BCAS3: variants seen among roughly 807,000 people sequenced by gnomAD.
BCAS3 encodes the protein BCAS4/BCAS3 fusion.
Under a neutral mutation model 116.1 loss-of-function variants are expected in BCAS3, and 53 were observed. The ratio of observed to expected loss-of-function variants is 0.46; its 90% CI spans 0.37 to 0.57. BCAS3 has a LOEUF of 0.57. BCAS3 is among the 20% of genes least tolerant of loss of function. The probability of loss-of-function intolerance (pLI) is 0.00; values close to 1 mark genes in which losing one functional copy is unlikely to be tolerated. For missense variants in BCAS3, 917 were observed against 1,165.4 expected (o/e 0.79, Z 3.10); for synonymous variants, 391 against 408.2 (o/e 0.96, Z 0.51).
At position 61,366,885 on chromosome 17, in the gene BCAS3, C is replaced by G. The variant is rs1268380142; in HGVS notation, c.2426-1442C>G. Reference sequence around the variant, plus strand: ...ACACATATAAATCGCAGCAGGCTGGCCAAGGGCCTTTGTCTGGCCAGGAGA... The same window carrying G: ...ACACATATAAATCGCAGCAGGCTGGGCAAGGGCCTTTGTCTGGCCAGGAGA... On this transcript the variant is annotated intron_variant, in intron 22 of 23. Transcript: ENST00000407086. This position sits in a 1 kb window ranked among gnomAD's most constrained non-coding sequence, Gnocchi z 4.5. 6.6e-6 allele frequency among the ~76,000 whole-genome samples: 1 copy of G among 152,202 alleles called. No individual in the cohort carries two copies. Among genetic ancestry groups the G allele is most frequent in the Non-Finnish European group, 1.5e-5 (1 of 68,032 alleles).
intron 5 of BCAS3, among the ~76,000 whole-genome samples, chr17:60,736,194 G>A (rs2040938403): frequency 6.6e-6 from 1 of 151,684 alleles, no homozygotes; most frequent in South Asian, 2.1e-4. Context: ...GTGAGCCACT[G>A]TGCCCAGCCT....
intron 16 of BCAS3, among the ~76,000 whole-genome samples, chr17:61,024,058 G>A (rs60555105): frequency 0.1 from 15,447 of 152,020 alleles, 2,370 homozygotes; most frequent in African/African-American, 0.34. Context: ...ACTTTAATAC[G>A]AAACTATAGC....
intron 15 of BCAS3, among the ~76,000 whole-genome samples, chr17:60,992,546 G>T (rs1370536734): frequency 6.6e-6 from 1 of 152,068 alleles, no homozygotes; most frequent in Non-Finnish European, 1.5e-5. Flanking sequence ...AGTGGGAGGG[G>T]GTGAGGGTTG....
intron 22 of BCAS3, among the ~76,000 whole-genome samples, chr17:61,270,652 C>T (rs1219406486): frequency 6.6e-6 from 1 of 152,162 alleles, no homozygotes; most frequent in Non-Finnish European, 1.5e-5. Context: ...TCATATGTTA[C>T]AAATCATTGC....
chr17:61,137,161 T>G (rs2076687066), intron 22 of BCAS3, among the ~76,000 whole-genome samples: 2 of 152,224 alleles, frequency 1.3e-5, no homozygotes, highest in South Asian at 4.1e-4. Context: ...TATTTAATGC[T>G]GACTTCAAAC....
intron 16 of BCAS3, among the ~76,000 whole-genome samples, chr17:61,018,290 G>GTTTTTTTTTT (rs10570881): frequency 1.2e-5 from 1 of 83,066 alleles, no homozygotes; most frequent in Non-Finnish European, 2.3e-5. Flanking sequence ...AAATTCCCCA[G>GTTTTTTTTTT]TTTTTTTTTT....
In BCAS3 at chr17:60,995,009, G is replaced by A. The variant is rs1291248996; in HGVS notation, c.1486+4774G>A. ...TTTTATTTTTTTGAGACGGGGTCTC[G>A]CTCTGTCACCCAGGCTGGAGTGCAG... On this transcript the variant is annotated intron_variant, in intron 15 of 23. Coordinates refer to ENST00000407086, the MANE Select transcript of BCAS3 (RefSeq NM_017679.5). The surrounding 1 kb of genome is among the most constrained non-coding windows in gnomAD (Gnocchi z 4.7). Among the ~76,000 whole-genome samples the A allele has an allele frequency of 6.6e-6, 1 of 151,988 alleles. No homozygotes were observed. The highest frequency in any genetic ancestry group is 1.5e-5 in the Non-Finnish European group (1 of 68,000).
rs2079982627 is a variant in BCAS3 at position 61,189,630 on chromosome 17, G to A, written c.2425+105066G>A. Among the ~76,000 whole-genome samples the A allele has an allele frequency of 6.6e-6, 1 of 152,060 alleles. No homozygotes were observed. Among genetic ancestry groups the A allele is most frequent in the Admixed American group, 6.6e-5 (1 of 15,264 alleles). ...GGAATCGAAAGGAGAAGAATGGAGAGGAATAGAAAGTTGAAAAATAGCTAC... is the reference window on the plus strand; with the variant it reads ...GGAATCGAAAGGAGAAGAATGGAGAAGAATAGAAAGTTGAAAAATAGCTAC... On this transcript the variant is annotated intron_variant, in intron 22 of 23. Transcript: ENST00000407086. This position sits in a 1 kb window ranked among gnomAD's most constrained non-coding sequence, Gnocchi z 4.5.
At position 61,349,310 on chromosome 17, in the gene BCAS3, C is replaced by A. The variant is rs2057692450; in HGVS notation, c.2426-19017C>A. On this transcript the variant is annotated intron_variant, in intron 22 of 23. Coordinates refer to ENST00000407086, the MANE Select transcript of BCAS3 (RefSeq NM_017679.5). This position sits in a 1 kb window ranked among gnomAD's most constrained non-coding sequence, Gnocchi z 4.7. The stretch of plus-strand genomic sequence containing the variant: ...CTCTCCCACCCTACACCCTAATACC[C>A]TCCAACCTAAAGTTCTTGAGAATCC... Among the ~76,000 whole-genome samples, 1 of 152,156 alleles carries A rather than the reference C, an allele frequency of 6.6e-6. No homozygotes were observed. The highest frequency in any genetic ancestry group is 1.5e-5 in the Non-Finnish European group (1 of 68,014).
chr17:60,752,971 A>C (rs1473075313), intron 6 of BCAS3, among the ~76,000 whole-genome samples: 1 of 152,086 alleles, frequency 6.6e-6, no homozygotes, highest in Non-Finnish European at 1.5e-5. Context: ...CAGCCTCCTG[A>C]ATACCTAGGA....
rs1271155219 is a variant in BCAS3 at position 61,126,015 on chromosome 17, A to G, written c.2425+41451A>G. Among the ~76,000 whole-genome samples, 1 of 152,194 alleles carries G rather than the reference A, an allele frequency of 6.6e-6. No homozygotes were observed. Among genetic ancestry groups the G allele is most frequent in the Non-Finnish European group, 1.5e-5 (1 of 68,008 alleles). On this transcript the variant is annotated intron_variant, in intron 22 of 23. Coordinates refer to ENST00000407086, the MANE Select transcript of BCAS3 (RefSeq NM_017679.5). This position sits in a 1 kb window ranked among gnomAD's most constrained non-coding sequence, Gnocchi z 4.6. ...CTTCTAGCTATGGAGTTGAGATTCT[A>G]CTTGAATTGTGTTATTGGGAATTCT...
chr17:61,236,828 G>A (rs2083100795), intron 22 of BCAS3, among the ~76,000 whole-genome samples: 1 of 152,030 alleles, frequency 6.6e-6, no homozygotes, highest in African/African-American at 2.4e-5. Flanking sequence ...AAGTAGGATT[G>A]AATCTTTAAA....
rs561669936 is a variant in BCAS3 at position 61,068,310 on chromosome 17, G to A, written c.2030-6610G>A. Among the ~76,000 whole-genome samples, 2 of 152,174 alleles carry A rather than the reference G, an allele frequency of 1.3e-5. No homozygotes were observed. Among genetic ancestry groups the A allele is most frequent in the African/African-American group, 4.8e-5 (2 of 41,506 alleles). On this transcript the variant is annotated intron_variant, in intron 19 of 23. Coordinates refer to ENST00000407086, the MANE Select transcript of BCAS3 (RefSeq NM_017679.5). The surrounding 1 kb of genome is among the most constrained non-coding windows in gnomAD (Gnocchi z 4.3). Reference sequence around the variant, plus strand: ...CTCAATCAATTATACCACCTCCAAAGTTACATCTAAATTCTCTAGGGTGTT... The same window carrying A: ...CTCAATCAATTATACCACCTCCAAAATTACATCTAAATTCTCTAGGGTGTT...
chr17:61,351,301 C>A (rs141641661), intron 22 of BCAS3, among the ~76,000 whole-genome samples: 1 of 152,310 alleles, frequency 6.6e-6, no homozygotes, highest in Non-Finnish European at 1.5e-5. Context: ...GCATCCTGAA[C>A]TATTTTTTCC....
intron 6 of BCAS3, among the ~76,000 whole-genome samples, chr17:60,778,990 C>CT (rs2045552027): frequency 1.3e-5 from 2 of 152,056 alleles, no homozygotes; most frequent in South Asian, 2.1e-4. Flanking sequence ...TCTAAACAAT[C>CT]TTTTTTTGCA....
chr17:61,057,480 C>G (rs546444284), intron 19 of BCAS3, among the ~76,000 whole-genome samples: 1 of 152,184 alleles, frequency 6.6e-6, no homozygotes, highest in African/African-American at 2.4e-5. Context: ...TGAGTCATTG[C>G]CTTCTACGCC....
chr17:61,374,530 C>G (rs2059238087), intron 23 of BCAS3, among the ~76,000 whole-genome samples: 1 of 152,198 alleles, frequency 6.6e-6, no homozygotes, highest in African/African-American at 2.4e-5. Flanking sequence ...ACTGTCTGTT[C>G]CCCGTGACTG....
chr17:61,259,116 T>C lies in BCAS3; in HGVS notation c.2426-109211T>C, dbSNP rs2049004651. ...TCACTGTCTAAGCCCCTTCTAAACA[T>C]GTTTCCTTCTAGGAGGCAGAAGAGT... On this transcript the variant is annotated intron_variant, in intron 22 of 23. Coordinates refer to ENST00000407086, the MANE Select transcript of BCAS3 (RefSeq NM_017679.5). This position sits in a 1 kb window ranked among gnomAD's most constrained non-coding sequence, Gnocchi z 4.7. Among the ~76,000 whole-genome samples, 1 of 152,236 alleles carries C rather than the reference T, an allele frequency of 6.6e-6. No individual in the cohort carries two copies. Among genetic ancestry groups the C allele is most frequent in the South Asian group, 2.1e-4 (1 of 4,836 alleles).
chr17:61,031,980 T>C lies in BCAS3; in HGVS notation c.1638-2686T>C, dbSNP rs144586838. 1.9e-4 allele frequency among the ~76,000 whole-genome samples: 29 copies of C among 152,272 alleles called. 1 individual carries two copies. The East Asian group carries it at 5.6e-3, about 29-fold the overall frequency. On this transcript the variant is annotated intron_variant, in intron 16 of 23. Transcript: ENST00000407086. ...AACAGAATTGTATGTAACTTATAGA[T>C]GTATAAGAGATTTTAGCTTTTGACA... is the stretch of plus-strand genomic sequence containing the variant.
Sources: gnomAD v4.1 joint callset for allele counts (sites outside exome capture counted in the v4.1 genomes callset) on GRCh38, gnomAD v4.1.1 for gene constraint, Gnocchi (gnomAD v3.1) non-coding constraint, MANE v1.5 for transcripts, NCBI Gene and HGNC (gene_info 2026-07-23, HGNC 2026-07-21) for gene names.